The following TMEM132D variants were observed in gnomAD, a reference collection of about 807,000 sequenced individuals.
TMEM132D encodes mature OL transmembrane protein.
In TMEM132D, 21 loss-of-function variants were observed where a neutral mutation model predicts 62.3. That is an observed-to-expected ratio of 0.34 (90% CI 0.24 to 0.49). The LOEUF is 0.49. Among genes scored for constraint, TMEM132D ranks in the 20% least tolerant of loss-of-function variants. The probability of loss-of-function intolerance (pLI) is 0.99; values close to 1 mark genes in which losing one functional copy is unlikely to be tolerated. For synonymous variants in TMEM132D, 621 were observed against 575.6 expected (o/e 1.08, Z -1.13); for missense variants, 1,346 against 1,402.8 (o/e 0.96, Z 0.65).
intron 1 of TMEM132D, among the ~76,000 whole-genome samples, chr12:129,711,936 G>A (rs1868383848): frequency 6.6e-6 from 1 of 151,718 alleles, no homozygotes; most frequent in Admixed American, 6.6e-5. Context: ...CTAAAAGTGA[G>A]AGAAGTCGAG....
At chr12:129,658,818 C>T in intron 2 of TMEM132D, among the ~76,000 whole-genome samples, 1 of 152,134 alleles carries the variant, frequency 6.6e-6, no homozygotes. Flanking sequence ...GCCACATGGA[C>T]AGGTAATGAA....
intron 3 of TMEM132D, among the ~76,000 whole-genome samples, chr12:129,495,227 A>AGCCT: frequency 6.6e-6 from 1 of 152,096 alleles, no homozygotes; most frequent in Admixed American, 6.5e-5. Flanking sequence ...GCCAATGTTA[A>AGCCT]TAATTTCAAG....
At chr12:129,273,894 C>G (rs552922488) in intron 4 of TMEM132D, among the ~76,000 whole-genome samples, 2 of 150,900 alleles carry the variant, frequency 1.3e-5, no homozygotes, top group Non-Finnish European at 2.9e-5. Context: ...CACATGTACC[C>G]GCTGAACTTA....
chr12:129,409,787 C>T (rs955290349), intron 3 of TMEM132D, among the ~76,000 whole-genome samples: 4 of 152,224 alleles, frequency 2.6e-5, no homozygotes, highest in African/African-American at 9.6e-5. Context: ...TCCCCATTGC[C>T]TATTCCAGGG....
At chr12:129,096,064 C>T (rs974493118) in intron 5 of TMEM132D, among the ~76,000 whole-genome samples, 1 of 152,142 alleles carries the variant, frequency 6.6e-6, no homozygotes, top group South Asian at 2.1e-4. Flanking sequence ...AAGCTGCCAT[C>T]GAGGACAACT....
At chr12:129,605,727 C>A (rs1000868351) in intron 2 of TMEM132D, among the ~76,000 whole-genome samples, 10 of 151,534 alleles carry the variant, frequency 6.6e-5, no homozygotes, top group Non-Finnish European at 1.5e-4. Flanking sequence ...GAAACCTTGA[C>A]AGTCATTTTT....
At chr12:129,387,190 CACCAACACTAACAATAAT>C (rs1468466829) in intron 3 of TMEM132D, among the ~76,000 whole-genome samples, 1 of 148,636 alleles carries the variant, frequency 6.7e-6, no homozygotes, top group Admixed American at 6.6e-5. Flanking sequence ...CTAACTCCAA[CACCAACACTAACAATAAT>C]ACCAACACTA....
chr12:129,801,975 G>A (rs1023339155), intron 1 of TMEM132D, among the ~76,000 whole-genome samples: 2 of 150,800 alleles, frequency 1.3e-5, no homozygotes, highest in African/African-American at 4.9e-5. Flanking sequence ...AAGCGAGAAG[G>A]GAAGTTTAGA....
chr12:129,587,738 G>C (rs924449509), intron 2 of TMEM132D, among the ~76,000 whole-genome samples: 1 of 152,220 alleles, frequency 6.6e-6, no homozygotes, highest in African/African-American at 2.4e-5. Flanking sequence ...TTTCCACAAA[G>C]GAGCCGTATT....
intron 4 of TMEM132D, among the ~76,000 whole-genome samples, chr12:129,291,216 A>C (rs1027826372): frequency 2.6e-5 from 4 of 152,194 alleles, no homozygotes; most frequent in Non-Finnish European, 4.4e-5. Context: ...AATATTATGC[A>C]GCCCTAATTT....
intron 3 of TMEM132D, among the ~76,000 whole-genome samples, chr12:129,378,464 T>C (rs924284021): frequency 5.3e-5 from 8 of 152,098 alleles, no homozygotes; most frequent in Admixed American, 4.6e-4. Flanking sequence ...TAGCTAGGAG[T>C]AGATTTCTCA....
rs1871305523 is a variant in TMEM132D at position 129,788,533 on chromosome 12, T to A, written c.80-87835A>T. Among the ~76,000 whole-genome samples, 3 of 152,138 alleles carry A rather than the reference T, an allele frequency of 2.0e-5. No individual in the cohort carries two copies. The South Asian group carries it at 6.2e-4, about 31-fold the overall frequency. ...TAGCTATAAATACAGATCATCAAAC[T>A]GAAAGTAGAAGAAAAATCAACGTGG... is the stretch of plus-strand genomic sequence containing the variant. On this transcript the variant is annotated intron_variant, in intron 1 of 8. Transcript: ENST00000422113.
chr12:129,391,662 T>TAAAAAC (rs1403304942), intron 3 of TMEM132D, among the ~76,000 whole-genome samples: 2 of 152,214 alleles, frequency 1.3e-5, no homozygotes, highest in Non-Finnish European at 2.9e-5. Flanking sequence ...AGCAGTGCTT[T>TAAAAAC]AAAAACAAAA....
At chr12:129,083,459 C>T (rs577786009) in intron 6 of TMEM132D, among the ~76,000 whole-genome samples, 30 of 152,252 alleles carry the variant, frequency 2.0e-4, no homozygotes, top group African/African-American at 6.5e-4. Flanking sequence ...TTTTTCCCTC[C>T]GCAGCGCCAA....
intron 1 of TMEM132D, among the ~76,000 whole-genome samples, chr12:129,772,047 C>T (rs1274503920): frequency 2.6e-5 from 4 of 152,046 alleles, no homozygotes; most frequent in Non-Finnish European, 5.9e-5. Context: ...TAGGGGAGAA[C>T]TTGCCCAGAG....
intron 3 of TMEM132D, among the ~76,000 whole-genome samples, chr12:129,487,027 C>G (rs934172709): frequency 4.0e-5 from 4 of 99,026 alleles, no homozygotes; most frequent in Non-Finnish European, 6.8e-5. Flanking sequence ...CGAATGTTTG[C>G]GTATGGGGGG....
chr12:129,674,625 C>T (rs561132712), intron 2 of TMEM132D, among the ~76,000 whole-genome samples: 2 of 152,238 alleles, frequency 1.3e-5, no homozygotes, highest in South Asian at 2.1e-4. Context: ...CTGCAACCTC[C>T]GCCTCCCAGG....
intron 1 of TMEM132D, among the ~76,000 whole-genome samples, chr12:129,716,851 A>G (rs957041181): frequency 6.6e-6 from 1 of 152,230 alleles, no homozygotes; most frequent in Non-Finnish European, 1.5e-5. Context: ...TACAGAACCA[A>G]TAGAAAACGA....
At chr12:129,384,494 A>T (rs1871047431) in intron 3 of TMEM132D, among the ~76,000 whole-genome samples, 1 of 152,052 alleles carries the variant, frequency 6.6e-6, no homozygotes, top group African/African-American at 2.4e-5. Flanking sequence ...TGGAAAACAA[A>T]TGAAATAACA....
Sources: gnomAD v4.1 joint callset for allele counts (sites outside exome capture counted in the v4.1 genomes callset) on GRCh38, gnomAD v4.1.1 for gene constraint, MANE v1.5 for transcripts, NCBI Gene and HGNC (gene_info 2026-07-23, HGNC 2026-07-21) for gene names.